The following SMYD4 variants were observed in gnomAD, a reference collection of about 807,000 sequenced individuals.
SMYD4 encodes the protein SET and MYND domain containing 4.
In SMYD4, 68 loss-of-function variants were observed where a neutral mutation model predicts 72.8. That is an observed-to-expected ratio of 0.93 (90% CI 0.77 to 1.14). The LOEUF is 1.14. Ranked by LOEUF, SMYD4 falls within the 50% of genes most tolerant of loss-of-function variation. SMYD4 has a pLI of 0.00. For synonymous variants in SMYD4, 407 were observed against 388.6 expected (o/e 1.05, Z -0.56); for missense variants, 984 against 1,003.7 (o/e 0.98, Z 0.27).
chr17:1,790,751 G>A (rs565175677), intron 5 of SMYD4, among the ~76,000 whole-genome samples: 6 of 151,838 alleles, frequency 4.0e-5, no homozygotes, highest in Non-Finnish European at 8.8e-5. Context: ...TTCTGACCTC[G>A]TGATCCACCC....
chr17:1,824,970 TCTC>T (rs1467568796), intron 2 of SMYD4, among the ~76,000 whole-genome samples: 4 of 152,092 alleles, frequency 2.6e-5, no homozygotes, highest in Non-Finnish European at 5.9e-5. Flanking sequence ...GCTCAGCACT[TCTC>T]CTTCCTGCCA....
Position 1,787,491 on chromosome 17 carries a change from T to C in SMYD4, c.1651A>G (p.Ile551Val), listed in dbSNP as rs1300127900. 6.3e-7 allele frequency: 1 copy of C among 1,576,582 alleles called. No homozygotes were observed. Among genetic ancestry groups the C allele is most frequent in the African/African-American group, 1.3e-5 (1 of 74,418 alleles). Reference sequence around the variant, plus strand: ...GCCCGGATGGTGGCGACAGTGCTAATGAAGGACACGCTGGTGTTGGGGCTA... The same window carrying C: ...GCCCGGATGGTGGCGACAGTGCTAACGAAGGACACGCTGGTGTTGGGGCTA... ...SCSPNTSVSF[I>V]STVATIRASQ... Residue 551 changes from isoleucine (I) to valine (V), a missense_variant, in exon 6 of 11, where the codon ATT becomes GTT. Coordinates refer to ENST00000305513, the MANE Select transcript of SMYD4 (RefSeq NM_052928.3).
At chr17:1,825,773 G>C (rs1470109348) in intron 2 of SMYD4, among the ~76,000 whole-genome samples, 1 of 151,430 alleles carries the variant, frequency 6.6e-6, no homozygotes, top group Non-Finnish European at 1.5e-5. Flanking sequence ...AAAGTGCTAG[G>C]TTTACAGGTA....
chr17:1,815,705 T>TG (rs1041272024), intron 2 of SMYD4, among the ~76,000 whole-genome samples: 2 of 68,436 alleles, frequency 2.9e-5, no homozygotes, highest in African/African-American at 1.1e-4. Context: ...AGCAATCTAA[T>TG]GTTTTTTTTT....
intron 10 of SMYD4, 21 bp from the exon 11 acceptor site, chr17:1,781,460 G>C: frequency 1.9e-6 from 3 of 1,610,240 alleles, no homozygotes; most frequent in Non-Finnish European, 2.5e-6. Flanking sequence ...GGAGGTAAGA[G>C]GAGTTAGTTC....
chr17:1,786,891 A>G lies in SMYD4; in HGVS notation c.1803T>C (p.Ala601=), dbSNP rs1294518127. The G allele has an allele frequency of 6.2e-7, 1 of 1,614,234 alleles. No individual in the cohort carries two copies. The highest frequency in any genetic ancestry group is 8.5e-7 in the Non-Finnish European group (1 of 1,180,040). Residue 601 remains alanine, a synonymous_variant, in exon 7 of 11, where the codon GCT becomes GCC. Coordinates refer to ENST00000305513, the MANE Select transcript of SMYD4 (RefSeq NM_052928.3). ...SQYFFDCACP[A]CQTEAHRMAA... ...CCATCCTGTGTGCCTCAGTTTGACA[A>G]GCTGGACAGGCGCAGTCAAAGAAAT... is the stretch of plus-strand genomic sequence containing the variant.
rs570759482 is a variant in SMYD4, at chr17:1,791,731, A to T, written c.1538-4127T>A. 6.1e-4 allele frequency among the ~76,000 whole-genome samples: 93 copies of T among 152,250 alleles called. 1 individual carries two copies. Among genetic ancestry groups the T allele is most frequent in the African/African-American group, 2.2e-3 (91 of 41,552 alleles). On this transcript the variant is annotated intron_variant, in intron 5 of 10. Transcript: ENST00000305513. Reference sequence around the variant, plus strand: ...TTGAATTATCTTTATTATTAAAAAAACTAACTGAGGCTGGGCGCAGTGGCT... The same window carrying T: ...TTGAATTATCTTTATTATTAAAAAATCTAACTGAGGCTGGGCGCAGTGGCT...
At chr17:1,804,475 C>T (rs1909933814) in intron 4 of SMYD4, 151 bp downstream of exon 4, 1 of 674,266 alleles carries the variant, frequency 1.5e-6, no homozygotes, top group Non-Finnish European at 2.5e-6. Flanking sequence ...CCCAGTCCGA[C>T]TTTAGGTAGA....
At chr17:1,808,445 C>CTT (rs1910155899) in intron 3 of SMYD4, among the ~76,000 whole-genome samples, 1 of 151,860 alleles carries the variant, frequency 6.6e-6, no homozygotes, top group East Asian at 1.9e-4. Context: ...GCTGGATGGA[C>CTT]GTAAGCAAAA....
chr17:1,788,169 T>C (rs1225802185), intron 5 of SMYD4, among the ~76,000 whole-genome samples: 1 of 151,784 alleles, frequency 6.6e-6, no homozygotes, highest in Non-Finnish European at 1.5e-5. Flanking sequence ...ACAACACAGC[T>C]AGATTTGGTC....
chr17:1,822,711 C>G (rs8080952), intron 2 of SMYD4, among the ~76,000 whole-genome samples: 31 of 151,794 alleles, frequency 2.0e-4, no homozygotes, highest in Admixed American at 9.9e-4. Flanking sequence ...GTGATCCACC[C>G]GCCTTGGGCT....
rs770726439 is a variant in SMYD4 at position 1,800,839 on chromosome 17, C to T, written c.555G>A (p.Gln185=). The T allele has an allele frequency of 6.2e-7, 1 of 1,614,210 alleles. No individual in the cohort carries two copies. The change falls in exon 5 of 11, where the codon CAG becomes CAA. Residue 185 remains glutamine (Q), a synonymous_variant. Transcript: ENST00000305513. The stretch of plus-strand genomic sequence containing the variant: ...GACGATGGAGGTTTCTCTGCAGAGT[C>T]TGAGGGAGGACATCTGCTAGGGCTG... The part of the protein sequence containing the change: ...ATPALADVLP[Q]TLQRNLHRLK...
chr17:1,781,596 C>A, intron 10 of SMYD4, 157 bp from the exon 11 acceptor site: 5 of 744,656 alleles, frequency 6.7e-6, no homozygotes, highest in South Asian at 2.5e-5. Context: ...AAACACGCTG[C>A]AAAACAAAAG....
intron 7 of SMYD4, among the ~76,000 whole-genome samples, chr17:1,785,763 C>CAAAAAAAAAAAAAAAAAAAA (rs1355052619): frequency 2.4e-5 from 1 of 42,100 alleles, no homozygotes; most frequent in African/African-American, 1.1e-4. Context: ...GACCCCATCT[C>CAAAAAAAAAAAAAAAAAAAA]AAAAAAAAAA....
intron 2 of SMYD4, among the ~76,000 whole-genome samples, chr17:1,820,381 A>C (rs1287037055): frequency 6.6e-6 from 1 of 151,994 alleles, no homozygotes; most frequent in Admixed American, 6.6e-5. Context: ...CTATGGCTAC[A>C]GGCATGTGAC....
intron 2 of SMYD4, among the ~76,000 whole-genome samples, chr17:1,812,516 C>T (rs1178741164): frequency 6.9e-6 from 1 of 144,418 alleles, no homozygotes; most frequent in Non-Finnish European, 1.5e-5. Context: ...TGGTCTTGAA[C>T]TCCTGGGCTC....
At chr17:1,787,002 T>C (rs750579979) in intron 6 of SMYD4, 29 bp from the exon 7 acceptor site, 3 of 1,539,304 alleles carry the variant, frequency 1.9e-6, no homozygotes, top group Non-Finnish European at 2.6e-6. Context: ...CAGCCAATAT[T>C]GAAAGCAAGA....
At chr17:1,806,929 C>A (rs893229313) in intron 3 of SMYD4, among the ~76,000 whole-genome samples, 1 of 151,666 alleles carries the variant, frequency 6.6e-6, no homozygotes, top group Non-Finnish European at 1.5e-5. Flanking sequence ...CTCTCGTTGT[C>A]GTCCAGGCTG....
intron 5 of SMYD4, among the ~76,000 whole-genome samples, chr17:1,788,209 A>G (rs1908809701): frequency 6.6e-6 from 1 of 152,102 alleles, no homozygotes; most frequent in Non-Finnish European, 1.5e-5. Context: ...AATATTAGCC[A>G]GCTGTGGTGG....
Sources: allele counts gnomAD v4.1 joint callset (sites outside exome capture counted in the v4.1 genomes callset), GRCh38; gene constraint gnomAD v4.1.1; transcripts MANE v1.5; gene names NCBI Gene and HGNC (gene_info 2026-07-23, HGNC 2026-07-21).